AMZ1: variants seen among roughly 807,000 people sequenced by gnomAD.
AMZ1 encodes archaemetzincin-1.
Under a neutral mutation model 29.9 loss-of-function variants are expected in AMZ1, and 39 were observed. That is an observed-to-expected ratio of 1.30 (90% confidence interval 1.01 to 1.70). The LOEUF (loss-of-function observed/expected upper bound fraction) is 1.70, where lower values mean the gene tolerates loss of function less well. AMZ1 is among the 40% of genes most tolerant of loss of function. The pLI, the probability that AMZ1 is intolerant of heterozygous loss-of-function variation, is 0.00. For missense variants in AMZ1, 1,041 were observed against 680.6 expected, an observed-to-expected ratio of 1.53 and a Z score of -5.89; for synonymous variants, 458 against 304.0, an observed-to-expected ratio of 1.51 and a Z score of -5.27.
intron 4 of AMZ1, among the ~76,000 whole-genome samples, chr7:2,750,811 G>T (rs1056430709): frequency 1.3e-5 from 2 of 152,190 alleles, no homozygotes; most frequent in Non-Finnish European, 2.9e-5. Context: ...TACAAAGTGA[G>T]GCCTCAGAAC....
intron 4 of AMZ1, among the ~76,000 whole-genome samples, chr7:2,743,192 G>A (rs79605810): frequency 1.3e-5 from 2 of 152,152 alleles, no homozygotes; most frequent in East Asian, 1.9e-4. Context: ...ATATATGGGG[G>A]CAAACTGAAA....
chr7:2,719,180 ACTC>A lies in AMZ1; in HGVS notation c.*6307_*6309del, dbSNP rs1789306559. ...AGCAGCTTTGTCGGCTGCCAACCCA[ACTC>A]CTCCGACAGAACGGCAGGTGGCCCC... is the stretch of plus-strand genomic sequence containing the variant. On this transcript the variant is annotated 3_prime_UTR_variant, in exon 7 of 7. Transcript: ENST00000683327. Among the ~76,000 whole-genome samples the A allele has an allele frequency of 6.6e-6, 1 of 151,642 alleles. No individual in the cohort carries two copies. The highest frequency in any genetic ancestry group is 6.6e-5 in the Admixed American group (1 of 15,242).
rs1463630237 is a variant in AMZ1, at chr7:2,702,884, A to T, written c.467A>T (p.His156Leu). 1 of 1,585,456 alleles carries T rather than the reference A, an allele frequency of 6.3e-7. No homozygotes were observed. The highest frequency in any genetic ancestry group is 1.1e-5 in the South Asian group (1 of 87,766). The change falls in exon 3 of 7, where the codon CAC becomes CTC. Residue 156 changes from histidine (H) to leucine (L), a missense_variant. Coordinates refer to ENST00000683327, the MANE Select transcript of AMZ1 (RefSeq NM_001384743.1). Reference sequence around the variant, plus strand: ...CGGGACTCTGACAGGCTCCAGCTCCACACAGGTGAGTGAGGACGGCAGCCG... The same window carrying T: ...CGGGACTCTGACAGGCTCCAGCTCCTCACAGGTGAGTGAGGACGGCAGCCG... ...PSRDSDRLQL[H>L]TDGILSFLKN...
At chr7:2,697,019 C>G (rs1171239690) in intron 1 of AMZ1, among the ~76,000 whole-genome samples, 2 of 152,218 alleles carry the variant, frequency 1.3e-5, no homozygotes, top group African/African-American at 4.8e-5. Flanking sequence ...TTCTAGGAGT[C>G]CATCTTGAGG....
intron 4 of AMZ1, among the ~76,000 whole-genome samples, chr7:2,750,458 A>G (rs150439189): frequency 2.3e-4 from 35 of 152,368 alleles, no homozygotes; most frequent in Middle Eastern, 3.4e-3. Context: ...GAAGCCTTGA[A>G]TAATACCCAA....
chr7:2,681,156 G>A (rs1786869250), intron 1 of AMZ1, among the ~76,000 whole-genome samples: 1 of 152,254 alleles, frequency 6.6e-6, no homozygotes, highest in Non-Finnish European at 1.5e-5. Flanking sequence ...GTGCCACTCA[G>A]GCCCGAAAGC....
intron 4 of AMZ1, among the ~76,000 whole-genome samples, chr7:2,738,216 A>C (rs900306518): frequency 2.6e-5 from 4 of 152,130 alleles, no homozygotes; most frequent in African/African-American, 9.7e-5. Context: ...GGAGTTCGAG[A>C]CAAGCCTGGC....
intron 1 of AMZ1, among the ~76,000 whole-genome samples, chr7:2,699,540 C>CA (rs1039801925): frequency 2.6e-5 from 4 of 151,906 alleles, no homozygotes; most frequent in African/African-American, 9.7e-5. Flanking sequence ...CGCCCCCCCC[C>CA]AAACATATGC....
chr7:2,735,789 G>C (rs1007141680), intron 4 of AMZ1, among the ~76,000 whole-genome samples: 2 of 152,154 alleles, frequency 1.3e-5, no homozygotes, highest in Non-Finnish European at 2.9e-5. Context: ...TTCATGTCAG[G>C]GCGGCCTCAT....
At chr7:2,692,645 G>A (rs903300015) in intron 1 of AMZ1, among the ~76,000 whole-genome samples, 1 of 152,118 alleles carries the variant, frequency 6.6e-6, no homozygotes, top group Non-Finnish European at 1.5e-5. Context: ...CTTCCGTAGC[G>A]AGGTCCCCAG....
chr7:2,732,500 C>T (rs926976096), intron 4 of AMZ1, among the ~76,000 whole-genome samples: 8 of 152,118 alleles, frequency 5.3e-5, no homozygotes, highest in Admixed American at 2.0e-4. Context: ...GAGTTACGAT[C>T]GTGCCACTGT....
chr7:2,696,585 C>A (rs1478348234), intron 1 of AMZ1, among the ~76,000 whole-genome samples: 1 of 151,366 alleles, frequency 6.6e-6, no homozygotes, highest in East Asian at 2.0e-4. Flanking sequence ...CTGCTGATGA[C>A]TTAGAACTTC....
In AMZ1 at chr7:2,709,171, G is replaced by T. The variant is rs1450867431; in HGVS notation, c.698G>T (p.Gly233Val). The change falls in exon 5 of 7, where the codon GGC becomes GTC. Residue 233 changes from glycine to valine, a missense_variant. Transcript: ENST00000683327. ...DLALVEAAAD[G>V]PEAPLQDRGW... is the part of the protein sequence containing the mutation. ...GCCCTGGTAGAGGCAGCAGCAGACG[G>T]CCCCGAGGCCCCCCTGCAGGACAGG... 1 of 1,548,246 alleles carries T rather than the reference G, an allele frequency of 6.5e-7. No homozygotes were observed. Among genetic ancestry groups the T allele is most frequent in the South Asian group, 1.2e-5 (1 of 81,252 alleles).
At chr7:2,680,732 C>T (rs890371559) in intron 1 of AMZ1, among the ~76,000 whole-genome samples, 20 of 152,248 alleles carry the variant, frequency 1.3e-4, no homozygotes, top group Admixed American at 1.3e-4. Flanking sequence ...GAGTTGGGGC[C>T]CCTCACGTGC....
At chr7:2,762,761 G>A (rs1483114792), upstream of AMZ1, 4 of 1,549,610 alleles carry the variant, frequency 2.6e-6, no homozygotes, top group Non-Finnish European at 3.5e-6. Context: ...CACCAGGCCC[G>A]TCCTTTCCAC....
At chr7:2,749,439 C>G (rs778748814) in intron 4 of AMZ1, among the ~76,000 whole-genome samples, 23 of 149,776 alleles carry the variant, frequency 1.5e-4, no homozygotes, top group Admixed American at 1.2e-3. Context: ...CATGTTCTCA[C>G]TCATAGGTGG....
chr7:2,763,815 G>A (rs754342686), upstream of AMZ1, among the ~76,000 whole-genome samples: 11 of 152,158 alleles, frequency 7.2e-5, no homozygotes, highest in South Asian at 2.1e-4. Flanking sequence ...AGGCGAGGCC[G>A]GGACCTCTGC....
At chr7:2,694,310 A>G (rs1787577277) in intron 1 of AMZ1, among the ~76,000 whole-genome samples, 1 of 152,170 alleles carries the variant, frequency 6.6e-6, no homozygotes, top group Non-Finnish European at 1.5e-5. Context: ...CCGGGACTGG[A>G]TGTCCACCAT....
Position 2,712,838 on chromosome 7 carries a change from C to T in AMZ1, c.1457C>T (p.Ala486Val). The change falls in exon 7 of 7, where the codon GCA (alanine) becomes GTA (valine). Residue 486 changes from alanine (A) to valine (V), a missense_variant. By Grantham distance (64) the Ala-to-Val change is moderately conservative. Transcript: ENST00000683327. ...CTGAGTGCCCGAAAACTCGCCAGAG[C>T]AGAGTCGGCCCCCCGTCCCTGGGAT... ...RKLSARKLAR[A>V]ESAPRPWDGE... 6.5e-7 allele frequency: 1 copy of T among 1,529,658 alleles called. No homozygotes were observed. The allele number at this position is 1,529,658 out of a possible 1,614,324, so 94.8% of individuals were successfully genotyped here. A position where few individuals can be genotyped will look rare whatever the true frequency, so the allele number is the denominator to read the frequency against.
Sources: gnomAD v4.1 joint callset for allele counts (sites outside exome capture counted in the v4.1 genomes callset) on GRCh38, gnomAD v4.1.1 for gene constraint, MANE v1.5 for transcripts, NCBI Gene and HGNC (gene_info 2026-07-23, HGNC 2026-07-21) for gene names.